The following LRMDA variants were observed in gnomAD, a reference collection of about 807,000 sequenced individuals.
LRMDA encodes leucine-rich melanocyte differentiation-associated protein.
Under a neutral mutation model 29.8 loss-of-function variants are expected in LRMDA, and 18 were observed. That is an observed-to-expected ratio of 0.60 (90% CI 0.42 to 0.90). LRMDA has a LOEUF of 0.90. LRMDA is among the 40% of genes least tolerant of loss of function. LRMDA has a pLI of 0.00. For synonymous variants in LRMDA, 125 were observed against 109.4 expected, an observed-to-expected ratio of 1.14 and a Z score of -0.89; for missense variants, 273 against 273.9, an observed-to-expected ratio of 1.00 and a Z score of 0.02.
intron 6 of LRMDA, among the ~76,000 whole-genome samples, chr10:76,367,944 A>T (rs1051718454): frequency 1.7e-4 from 26 of 151,932 alleles, no homozygotes; most frequent in African/African-American, 6.0e-4. Context: ...CTCAGTTGTA[A>T]TATCTCCTTT....
rs7922309 is a variant in LRMDA at position 76,246,344 on chromosome 10, A to G, written c.517-78057A>G. On this transcript the variant is annotated intron_variant, in intron 5 of 6. Transcript: ENST00000611255. ...ATATCAGAGATCAGGTTTCTAACGC[A>G]GGTTCTTACCACCTCATGGTAGGAC... Among the ~76,000 whole-genome samples the G allele has an allele frequency of 3.2e-3, 494 of 152,290 alleles. 1 individual carries two copies. The highest frequency in any genetic ancestry group is 0.011 in the African/African-American group (444 of 41,566).
At chr10:75,534,173 AT>A (rs1839914938) in intron 2 of LRMDA, among the ~76,000 whole-genome samples, 1 of 152,138 alleles carries the variant, frequency 6.6e-6, no homozygotes, top group Non-Finnish European at 1.5e-5. Context: ...GAGGGTGAGT[AT>A]TTCAAGTGCC....
chr10:76,037,661 C>T (rs771234488), intron 3 of LRMDA, among the ~76,000 whole-genome samples: 6 of 152,168 alleles, frequency 3.9e-5, no homozygotes, highest in Non-Finnish European at 7.4e-5. Context: ...TACTTTCTCA[C>T]TGTATCATCA....
intron 2 of LRMDA, among the ~76,000 whole-genome samples, chr10:75,448,078 C>T (rs966191861): frequency 1.8e-4 from 28 of 152,148 alleles, no homozygotes; most frequent in Admixed American, 1.8e-3. Context: ...TGGTGGGCAA[C>T]TGGAGAGAGT....
At chr10:76,309,981 T>C (rs1564719390) in intron 5 of LRMDA, among the ~76,000 whole-genome samples, 3 of 152,240 alleles carry the variant, frequency 2.0e-5, no homozygotes, top group African/African-American at 7.2e-5. Flanking sequence ...CACAGTACCC[T>C]TAAAATGAGA....
intron 2 of LRMDA, among the ~76,000 whole-genome samples, chr10:75,851,175 AG>A (rs1564586113): frequency 6.6e-6 from 1 of 152,176 alleles, no homozygotes; most frequent in East Asian, 1.9e-4. Context: ...ATGAGAAACA[AG>A]GGAACCTTGG....
At chr10:75,849,770 T>A (rs759516841) in intron 2 of LRMDA, among the ~76,000 whole-genome samples, 5 of 152,152 alleles carry the variant, frequency 3.3e-5, no homozygotes, top group Non-Finnish European at 7.4e-5. Context: ...AATAAAAATT[T>A]AAAAAAGCCC....
chr10:76,470,097 C>G (rs1470230341), intron 6 of LRMDA, among the ~76,000 whole-genome samples: 1 of 152,064 alleles, frequency 6.6e-6, no homozygotes, highest in Non-Finnish European at 1.5e-5. Context: ...CAGCAAAACT[C>G]TCTTTCAAAT....
At chr10:75,513,810 GAC>G (rs1845256536) in intron 2 of LRMDA, among the ~76,000 whole-genome samples, 1 of 152,100 alleles carries the variant, frequency 6.6e-6, no homozygotes, top group Non-Finnish European at 1.5e-5. Context: ...GGTAATCCAG[GAC>G]ACTCTCCCTA....
At chr10:76,333,313 C>G (rs1840926603) in intron 6 of LRMDA, among the ~76,000 whole-genome samples, 1 of 152,000 alleles carries the variant, frequency 6.6e-6, no homozygotes, top group African/African-American at 2.4e-5. Flanking sequence ...AAGCAGTATC[C>G]AGGGGTAATT....
At chr10:76,547,744 G>A (rs1371429506) in intron 6 of LRMDA, among the ~76,000 whole-genome samples, 1 of 152,122 alleles carries the variant, frequency 6.6e-6, no homozygotes, top group Non-Finnish European at 1.5e-5. Context: ...CTTGACCACT[G>A]TCCGCTTTGA....
chr10:75,651,869 A>G (rs991291987), intron 2 of LRMDA, among the ~76,000 whole-genome samples: 1 of 152,216 alleles, frequency 6.6e-6, no homozygotes, highest in African/African-American at 2.4e-5. Flanking sequence ...GGGTACCAAT[A>G]GACTTGACAC....
intron 2 of LRMDA, among the ~76,000 whole-genome samples, chr10:75,588,865 T>A (rs1206952593): frequency 4.0e-5 from 6 of 151,624 alleles, no homozygotes. Context: ...AAAGATATCA[T>A]TCTTTTCTTA....
chr10:75,494,153 C>G (rs1845019468), intron 2 of LRMDA, among the ~76,000 whole-genome samples: 2 of 152,162 alleles, frequency 1.3e-5, no homozygotes, highest in Non-Finnish European at 2.9e-5. Flanking sequence ...CTGCTGAGGC[C>G]TAATTAATGA....
chr10:76,268,213 T>G (rs979099751), intron 5 of LRMDA, among the ~76,000 whole-genome samples: 21 of 152,170 alleles, frequency 1.4e-4, no homozygotes, highest in Non-Finnish European at 8.8e-5. Context: ...AGTCAATTAG[T>G]AGGTTCAAGT....
chr10:76,150,815 G>A (rs1030021332), intron 5 of LRMDA, among the ~76,000 whole-genome samples: 1 of 152,204 alleles, frequency 6.6e-6, no homozygotes, highest in Non-Finnish European at 1.5e-5. Context: ...GACCAAGGCA[G>A]AGCTAATTAT....
intron 5 of LRMDA, among the ~76,000 whole-genome samples, chr10:76,152,233 G>A (rs1850458848): frequency 6.6e-6 from 1 of 152,048 alleles, no homozygotes; most frequent in African/African-American, 2.4e-5. Flanking sequence ...CTATAGATTT[G>A]CCTATTCTTG....
At chr10:76,301,953 G>A (rs1564716510) in intron 5 of LRMDA, among the ~76,000 whole-genome samples, 1 of 152,152 alleles carries the variant, frequency 6.6e-6, no homozygotes, top group Non-Finnish European at 1.5e-5. Flanking sequence ...TTTGATCTAA[G>A]AAAAGGAAAT....
chr10:76,132,966 C>CTCT (rs1850023070), intron 5 of LRMDA, among the ~76,000 whole-genome samples: 9 of 57,372 alleles, frequency 1.6e-4, no homozygotes, highest in Non-Finnish European at 2.8e-4. Context: ...CCACGCCCGG[C>CTCT]TTTTTTTTTT....
Sources: allele counts gnomAD v4.1 joint callset (sites outside exome capture counted in the v4.1 genomes callset), GRCh38; gene constraint gnomAD v4.1.1; transcripts MANE v1.5; gene names NCBI Gene and HGNC (gene_info 2026-07-23, HGNC 2026-07-21).